NEK9: variants seen among roughly 807,000 people sequenced by gnomAD.
NEK9 encodes serine/threonine-protein kinase Nek9.
A neutral mutation model predicts 123.4 loss-of-function variants in NEK9; 75 were observed. That is an observed-to-expected ratio of 0.61 (90% CI 0.50 to 0.74). NEK9 has a LOEUF of 0.74. NEK9 is among the 30% of genes least tolerant of loss of function. The pLI, the probability that NEK9 is intolerant of heterozygous loss-of-function variation, is 0.00. For synonymous variants in NEK9, 438 were observed against 458.7 expected (o/e 0.95, Z 0.58); for missense variants, 952 against 1,214.4 (o/e 0.78, Z 3.21).
At chr14:75,124,438 C>T (rs1895448758) in intron 1 of NEK9, among the ~76,000 whole-genome samples, 1 of 152,128 alleles carries the variant, frequency 6.6e-6, no homozygotes, top group Admixed American at 6.5e-5. Context: ...ACGTTGTTGT[C>T]ATACTTAATT....
chr14:75,121,019 G>GA (rs571811007), intron 3 of NEK9, 100 bp downstream of exon 3: 387 of 1,011,844 alleles, frequency 3.8e-4, no homozygotes, highest in Admixed American at 5.0e-4. Context: ...TGAACAAAAG[G>GA]AAAAAAACAC....
rs939047464 is a variant in NEK9, at chr14:75,081,004, C to T, written c.*3560G>A. 8 of 145,402 alleles carry T rather than the reference C, an allele frequency of 5.5e-5. No individual in the cohort carries two copies. The highest frequency in any genetic ancestry group is 1.5e-4 in the African/African-American group (6 of 38,890). The allele number at this position is 145,402 out of a possible 1,614,324, so 9.0% of individuals were successfully genotyped here. On this transcript the variant is annotated 3_prime_UTR_variant, in exon 22 of 22. Transcript: ENST00000238616. The surrounding 1 kb of genome is among the most constrained non-coding windows in gnomAD (Gnocchi z 4.2). ...TGTCGCCCAGGCTGGAGTACCGTGG[C>T]GCAATCTCAGCTCACTGCAAACTCC...
chr14:75,115,274 C>T (rs1895104139), intron 6 of NEK9, among the ~76,000 whole-genome samples: 1 of 152,076 alleles, frequency 6.6e-6, no homozygotes, highest in Admixed American at 6.5e-5. Context: ...CGCCACCATG[C>T]CTGGATAATT....
rs970161631 is a variant in NEK9 at position 75,083,690 on chromosome 14, A to C, written c.*874T>G. On this transcript the variant is annotated 3_prime_UTR_variant, in exon 22 of 22. Transcript: ENST00000238616. ...ACTGAGAGCCCTCTAAGCCCTCTCT[A>C]AGATACCAAGTAGAGGCAGCTAAAG... The C allele has an allele frequency of 6.6e-6, 1 of 152,182 alleles. No individual in the cohort carries two copies. The highest frequency in any genetic ancestry group is 6.5e-5 in the Admixed American group (1 of 15,286). 9.4% of individuals were successfully genotyped at this position (152,182 alleles called of 1,614,324 possible). A position where few individuals can be genotyped will look rare whatever the true frequency, so the allele number is the denominator to read the frequency against.
Position 75,110,513 on chromosome 14 carries a change from C to T in NEK9, c.939-142G>A, listed in dbSNP as rs143843123. On this transcript the variant is annotated intron_variant, in intron 8 of 21. Transcript: ENST00000238616. ...CATCACAATACTTTTAGCAAAGTAC[C>T]TCAATACAACTCAAAACAGTTATAT... 6.9e-3 allele frequency: 4,311 copies of T among 624,234 alleles called. 67 individuals are homozygous for T. The highest frequency in any genetic ancestry group is 0.026 in the Middle Eastern group (60 of 2,276). 38.7% of individuals were successfully genotyped at this position (624,234 alleles called of 1,614,324 possible). A position where few individuals can be genotyped will look rare whatever the true frequency, so the allele number is the denominator to read the frequency against.
rs776198532 is a variant in NEK9, at chr14:75,114,198, C to T, written c.873+5G>A. On this transcript the variant is annotated splice_donor_5th_base_variant and intron_variant, in intron 7 of 21. Coordinates refer to ENST00000238616, the MANE Select transcript of NEK9 (RefSeq NM_033116.6). ...AACTGAAGTGAATGTTTAAGTCACA[C>T]CTACCTGGTCAAGGCACGAATGAAC... 7 of 1,602,662 alleles carry T rather than the reference C, an allele frequency of 4.4e-6. No homozygotes were observed. Among genetic ancestry groups the T allele is most frequent in the East Asian group, 2.2e-5 (1 of 44,836 alleles).
intron 6 of NEK9, chr14:75,116,355 G>A (rs1188850061): frequency 6.2e-6 from 1 of 161,546 alleles, no homozygotes; most frequent in Non-Finnish European, 1.4e-5. Flanking sequence ...GATGACTGCT[G>A]GAGCACAGGA....
At chr14:75,124,325 A>C in intron 1 of NEK9, 102 bp from the exon 2 acceptor site, 2 of 932,524 alleles carry the variant, frequency 2.1e-6, no homozygotes, top group Non-Finnish European at 3.3e-6. Flanking sequence ...CTAGAGGGGC[A>C]CAGACTGACT....
intron 18 of NEK9, among the ~76,000 whole-genome samples, chr14:75,095,014 G>A (rs1027294665): frequency 2.6e-5 from 4 of 152,228 alleles, no homozygotes; most frequent in Admixed American, 6.5e-5. Context: ...GCCTGTTTTG[G>A]TGAACTATTT....
chr14:75,091,567 G>A, intron 18 of NEK9, 89 bp from the exon 19 acceptor site: 2 of 1,157,064 alleles, frequency 1.7e-6, no homozygotes, highest in Non-Finnish European at 2.3e-6. Flanking sequence ...CTGGAAAGGT[G>A]CCTATAAGCT....
At chr14:75,117,466 A>T (rs774470695) in intron 5 of NEK9, 140 bp from the exon 6 acceptor site, 32 of 851,346 alleles carry the variant, frequency 3.8e-5, no homozygotes, top group Non-Finnish European at 5.1e-5. Flanking sequence ...AATGGTTTTT[A>T]TGAGACGATG....
At position 75,120,497 on chromosome 14, in the gene NEK9, T is replaced by C. The variant is rs185948676; in HGVS notation, c.524+13A>G. On this transcript the variant is annotated intron_variant, in intron 4 of 21. Coordinates refer to ENST00000238616, the MANE Select transcript of NEK9 (RefSeq NM_033116.6). ...TAGGGAAGAATCCATCCATAATTTT[T>C]TTTACTTCTTACCTATGAAGGATTC... 5.6e-6 allele frequency: 9 copies of C among 1,599,522 alleles called. No homozygotes were observed. The African/African-American group carries it at 9.4e-5, about 17-fold the overall frequency.
chr14:75,122,789 CTTT>C (rs35799337), intron 2 of NEK9, among the ~76,000 whole-genome samples: 11 of 80,122 alleles, frequency 1.4e-4, no homozygotes, highest in Middle Eastern at 0.01. Context: ...CCACGCCCAG[CTTT>C]TTTTTTTTTT....
chr14:75,107,483 A>G lies in NEK9; in HGVS notation c.1187T>C (p.Met396Thr), dbSNP rs764341401. The stretch of plus-strand genomic sequence containing the variant: ...ACCATGGAGTTTAGTGCCTCCTTGC[A>G]TGTTCTGTGAAATAAAGAGGTCTTA... ...VEKELYTWVNMQGGTKLHGQL... is the reference protein window; with the variant it reads ...VEKELYTWVNTQGGTKLHGQL... The change falls in exon 11 of 22, where the codon ATG becomes ACG. Residue 396 changes from methionine to threonine, a missense_variant. By Grantham distance (81) the Met-to-Thr change is moderately conservative. Coordinates refer to ENST00000238616, the MANE Select transcript of NEK9 (RefSeq NM_033116.6). 37 of 1,590,996 alleles carry G rather than the reference A, an allele frequency of 2.3e-5. No individual in the cohort carries two copies. The highest frequency in any genetic ancestry group is 3.1e-5 in the Non-Finnish European group (36 of 1,173,096).
chr14:75,118,571 G>C (rs566221954), intron 5 of NEK9, among the ~76,000 whole-genome samples: 50 of 152,144 alleles, frequency 3.3e-4, no homozygotes, highest in Admixed American at 5.2e-4. Flanking sequence ...TCCTAACCTG[G>C]ACAAAACAGT....
chr14:75,087,146 C>A lies in NEK9; in HGVS notation c.2689G>T (p.Val897Leu). ...AGACCCTGCAATCTCTCAACCTCCA[C>A]CTGCAGAGAGCTGCACGCACACGCA... ...PPACACSSLQ[V>L]EVERLQGLVL... Residue 897 changes from valine to leucine, a missense_variant, in exon 21 of 22, where the codon GTG becomes TTG. Val to Leu is a conservative substitution (Grantham distance 32, BLOSUM62 1). Around this residue, in one of 4 missense-constraint regions of NEK9, gnomAD observed 698 missense variants for 875.6 expected, o/e 0.80. Coordinates refer to ENST00000238616, the MANE Select transcript of NEK9 (RefSeq NM_033116.6). 2 of 1,614,214 alleles carry A rather than the reference C, an allele frequency of 1.2e-6. No individual in the cohort carries two copies. The highest frequency in any genetic ancestry group is 1.7e-6 in the Non-Finnish European group (2 of 1,180,038).
Position 75,081,092 on chromosome 14 carries a change from T to A in NEK9, c.*3472A>T, listed in dbSNP as rs1169086110. The A allele has an allele frequency of 6.6e-6, 1 of 151,620 alleles. No homozygotes were observed. The highest frequency in any genetic ancestry group is 1.5e-5 in the Non-Finnish European group (1 of 68,030). The allele number at this position is 151,620 out of a possible 1,614,324, so 9.4% of individuals were successfully genotyped here. A position where few individuals can be genotyped will look rare whatever the true frequency, so the allele number is the denominator to read the frequency against. Reference sequence around the variant, plus strand: ...CAGAGTAGCTGGGACTACAGGCACCTGCCACAACACCCAGCTAATTTTTTT... The same window carrying A: ...CAGAGTAGCTGGGACTACAGGCACCAGCCACAACACCCAGCTAATTTTTTT... On this transcript the variant is annotated 3_prime_UTR_variant, in exon 22 of 22. Transcript: ENST00000238616. This position sits in a 1 kb window ranked among gnomAD's most constrained non-coding sequence, Gnocchi z 4.2.
At chr14:75,127,123 C>T (rs926645642), upstream of NEK9, 2 of 522,460 alleles carry the variant, frequency 3.8e-6, no homozygotes, top group Admixed American at 4.2e-5. Flanking sequence ...TTTGCTTACC[C>T]TCTTGGCTAG....
chr14:75,088,798 A>G (rs1404797617), intron 19 of NEK9, among the ~76,000 whole-genome samples, 157 bp from the exon 20 acceptor site: 1 of 152,326 alleles, frequency 6.6e-6, no homozygotes, highest in Non-Finnish European at 1.5e-5. Flanking sequence ...CTACCTGTGA[A>G]AAAACTGCCA....
Sources: gnomAD v4.1 joint callset for allele counts (sites outside exome capture counted in the v4.1 genomes callset) on GRCh38, gnomAD v4.1.1 for gene constraint, gnomAD v4.1.1 regional missense constraint, Gnocchi (gnomAD v3.1) non-coding constraint, MANE v1.5 for transcripts, NCBI Gene and HGNC (gene_info 2026-07-23, HGNC 2026-07-21) for gene names.